LRRK1: variants seen among roughly 807,000 people sequenced by gnomAD.
LRRK1 encodes the protein leucine-rich repeat serine/threonine-protein kinase 1.
Under a neutral mutation model 209.1 loss-of-function variants are expected in LRRK1, and 113 were observed. The observed-to-expected ratio is 0.54, with a 90% CI of 0.46 to 0.63. LRRK1 has a LOEUF of 0.63. Ranked by LOEUF, LRRK1 falls within the 30% of genes least tolerant of loss-of-function variation. The probability of loss-of-function intolerance (pLI) is 0.00; values close to 1 mark genes in which losing one functional copy is unlikely to be tolerated. For missense variants in LRRK1, 2,284 were observed against 2,632.2 expected (o/e 0.87, Z 2.89); for synonymous variants, 1,144 against 1,099.7 (o/e 1.04, Z -0.80).
Position 101,053,345 on chromosome 15 carries a change from A to T in LRRK1, c.3979A>T (p.Ile1327Phe). The T allele has an allele frequency of 6.2e-7, 1 of 1,603,488 alleles. No homozygotes were observed. The highest frequency in any genetic ancestry group is 8.5e-7 in the Non-Finnish European group (1 of 1,179,904). The change falls in exon 26 of 34, where the codon ATC (isoleucine) becomes TTC (phenylalanine). Residue 1327 changes from isoleucine (I) to phenylalanine (F), a missense_variant. By Grantham distance (21) the Ile-to-Phe change is conservative (BLOSUM62 0). This residue lies in a region of LRRK1 where 780 missense variants were observed against 985.2 expected (regional missense o/e 0.79). Transcript: ENST00000388948. ...PCIVALIGIS[I>F]HPLCFALELA... Reference sequence around the variant, plus strand: ...CATCGTGGCGCTCATCGGCATCAGCATCCACCCGCTCTGCTTCGCCCTGGA... The same window carrying T: ...CATCGTGGCGCTCATCGGCATCAGCTTCCACCCGCTCTGCTTCGCCCTGGA...
chr15:101,028,945 G>T lies in LRRK1; in HGVS notation c.2687-11G>T. The T allele has an allele frequency of 6.2e-7, 1 of 1,612,656 alleles. No homozygotes were observed. The highest frequency in any genetic ancestry group is 8.5e-7 in the Non-Finnish European group (1 of 1,179,316). ...CTAACTGCTGCTTCCTCCTCTCCTTGCCTGGGGCAGCCATCAGCTTCCTCA... is the reference window on the plus strand; with the variant it reads ...CTAACTGCTGCTTCCTCCTCTCCTTTCCTGGGGCAGCCATCAGCTTCCTCA... On this transcript the variant is annotated splice_polypyrimidine_tract_variant and intron_variant, in intron 19 of 33. Transcript: ENST00000388948.
intron 6 of LRRK1, among the ~76,000 whole-genome samples, chr15:101,002,556 T>C (rs1370829060): frequency 6.6e-6 from 1 of 152,212 alleles, no homozygotes; most frequent in Non-Finnish European, 1.5e-5. Context: ...ACCAGCTGTC[T>C]TTGATTTTGT....
chr15:101,026,877 G>A (rs1194930609), intron 17 of LRRK1, among the ~76,000 whole-genome samples: 3 of 152,320 alleles, frequency 2.0e-5, no homozygotes, highest in South Asian at 2.1e-4. Flanking sequence ...AGGCTGTCAG[G>A]AATTCCTGCT....
rs774249485 is a variant in LRRK1, at chr15:101,053,206, T to C, written c.3857-17T>C. 1.2e-6 allele frequency: 2 copies of C among 1,602,652 alleles called. No homozygotes were observed. The highest frequency in any genetic ancestry group is 1.7e-6 in the Non-Finnish European group (2 of 1,178,742). On this transcript the variant is annotated splice_polypyrimidine_tract_variant and intron_variant, in intron 25 of 33. Coordinates refer to ENST00000388948, the MANE Select transcript of LRRK1 (RefSeq NM_024652.6). ...CACCCCATGTCCTACTGGCTGACACTGCGCTGTCCCTGGCAGACACCATGC... is the reference window on the plus strand; with the variant it reads ...CACCCCATGTCCTACTGGCTGACACCGCGCTGTCCCTGGCAGACACCATGC...
intron 3 of LRRK1, among the ~76,000 whole-genome samples, chr15:100,975,953 A>G (rs2031269610): frequency 6.6e-6 from 1 of 152,156 alleles, no homozygotes; most frequent in Non-Finnish European, 1.5e-5. Flanking sequence ...GTGAGAGTAA[A>G]AGATAAAAAA....
Position 100,953,508 on chromosome 15 carries a change from C to CTATATA in LRRK1, c.98-20275_98-20270dup, listed in dbSNP as rs60971994. On this transcript the variant is annotated intron_variant, in intron 2 of 33. Coordinates refer to ENST00000388948, the MANE Select transcript of LRRK1 (RefSeq NM_024652.6). ...CCATTGTGTGTGTGTATGTGTGTGT[C>CTATATA]TATATATATATATATATATATATAT... Among the ~76,000 whole-genome samples, 376 of 146,570 alleles carry CTATATA rather than the reference C, an allele frequency of 2.6e-3. 1 individual carries two copies. Among genetic ancestry groups the CTATATA allele is most frequent in the Middle Eastern group, 7.2e-3 (2 of 278 alleles).
chr15:100,991,236 C>G (rs1207167102), intron 6 of LRRK1, among the ~76,000 whole-genome samples: 1 of 152,182 alleles, frequency 6.6e-6, no homozygotes, highest in Admixed American at 6.5e-5. Context: ...CGATTATAGG[C>G]ACTGCATTTA....
intron 3 of LRRK1, among the ~76,000 whole-genome samples, chr15:100,979,091 A>G (rs932307771): frequency 3.3e-5 from 5 of 152,210 alleles, no homozygotes; most frequent in Non-Finnish European, 7.4e-5. Context: ...TTCAGTTTCA[A>G]TCATCAATCA....
rs1436285093 is a variant in LRRK1, at chr15:101,046,042, C to T, written c.3025C>T (p.Pro1009Ser). Residue 1009 changes from proline (P) to serine (S), a missense_variant, in exon 21 of 34, where the codon CCC becomes TCC. Pro to Ser is a moderately conservative substitution (Grantham distance 74). Transcript: ENST00000388948. ...PGLDTHGMRH[P>S]TANTIQRVFK... ...CCTGGACACCCACGGTATGCGGCAC[C>T]CCACAGCCAACACCATTCAGAGGGT... The T allele has an allele frequency of 6.2e-7, 1 of 1,614,082 alleles. No homozygotes were observed. Among genetic ancestry groups the T allele is most frequent in the Non-Finnish European group, 8.5e-7 (1 of 1,180,024 alleles).
At chr15:101,030,498 C>T (rs72766819) in intron 20 of LRRK1, among the ~76,000 whole-genome samples, 16,168 of 152,224 alleles carry the variant, frequency 0.11, 1,271 homozygotes, top group East Asian at 0.41. Context: ...AAGTCTGGCA[C>T]GGTGACTGAC....
intron 10 of LRRK1, among the ~76,000 whole-genome samples, chr15:101,013,879 C>T (rs1338416267): frequency 1.3e-5 from 2 of 152,212 alleles, no homozygotes; most frequent in East Asian, 3.9e-4. Context: ...CCTGGGCTGG[C>T]CCAGGAGGCC....
At position 101,029,222 on chromosome 15, in the gene LRRK1, G is replaced by A. The variant is rs2034174505; in HGVS notation, c.2953G>A (p.Ala985Thr). The A allele has an allele frequency of 7.5e-6, 12 of 1,610,696 alleles. No homozygotes were observed. Among genetic ancestry groups the A allele is most frequent in the East Asian group, 6.7e-5 (3 of 44,796 alleles). ...CAAGTTTGAGATCGCCCTGCCCGTCGCCAATGACAGGTGAGGACACAACTT... is the reference window on the plus strand; with the variant it reads ...CAAGTTTGAGATCGCCCTGCCCGTCACCAATGACAGGTGAGGACACAACTT... ...LAKFEIALPV[A>T]NDSYLLPHLL... Residue 985 changes from alanine (A) to threonine (T), a missense_variant, in exon 20 of 34, where the codon GCC (alanine) becomes ACC (threonine). Ala to Thr is a moderately conservative substitution (Grantham distance 58). Transcript: ENST00000388948.
At chr15:101,037,386 C>A (rs2141112785) in intron 20 of LRRK1, among the ~76,000 whole-genome samples, 1 of 152,284 alleles carries the variant, frequency 6.6e-6, no homozygotes, top group East Asian at 1.9e-4. Flanking sequence ...TGGACTGAAC[C>A]ACTGAGCTGG....
rs2037020071 is a variant in LRRK1, at chr15:101,077,323, C to T, written c.*8475C>T. 6.6e-6 allele frequency: 1 copy of T among 152,254 alleles called. No homozygotes were observed. The highest frequency in any genetic ancestry group is 6.5e-5 in the Admixed American group (1 of 15,284). 9.4% of individuals were successfully genotyped at this position (152,254 alleles called of 1,614,324 possible). A position where few individuals can be genotyped will look rare whatever the true frequency, so the allele number is the denominator to read the frequency against. On this transcript the variant is annotated 3_prime_UTR_variant, in exon 34 of 34. Transcript: ENST00000388948. ...TCGTACTCCTATTCACCATTCTCAA[C>T]TACTCATACGTGCCCTGCTCTTGTT...
intron 6 of LRRK1, 83 bp downstream of exon 6, chr15:100,989,481 T>G: frequency 3.5e-6 from 5 of 1,415,964 alleles, no homozygotes; most frequent in Non-Finnish European, 4.9e-6. Flanking sequence ...TAATTTATAA[T>G]AAACAGAAAT....
chr15:100,947,148 G>A (rs1485828754), intron 2 of LRRK1, among the ~76,000 whole-genome samples: 1 of 151,776 alleles, frequency 6.6e-6, no homozygotes, highest in African/African-American at 2.4e-5. Flanking sequence ...TAGTAGAGGC[G>A]GGGTTTCACC....
intron 9 of LRRK1, among the ~76,000 whole-genome samples, chr15:101,011,399 C>T (rs969517158): frequency 1.3e-5 from 2 of 148,568 alleles, no homozygotes; most frequent in Admixed American, 1.4e-4. Flanking sequence ...TTGCTTTTAC[C>T]GGGGAGGCAG....
At chr15:100,997,719 T>A (rs1168276246) in intron 6 of LRRK1, among the ~76,000 whole-genome samples, 1 of 152,228 alleles carries the variant, frequency 6.6e-6, no homozygotes, top group Non-Finnish European at 1.5e-5. Flanking sequence ...GTAATTGGCA[T>A]CATGTGGCAA....
In LRRK1 at chr15:101,022,470, C is replaced by T. The variant is rs764768964; in HGVS notation, c.1940C>T (p.Pro647Leu). The change falls in exon 15 of 34, where the codon CCG becomes CTG. Residue 647 changes from proline (P) to leucine (L), a missense_variant. Coordinates refer to ENST00000388948, the MANE Select transcript of LRRK1 (RefSeq NM_024652.6). This position sits in a 1 kb window ranked among gnomAD's most constrained non-coding sequence, Gnocchi z 4.0. Reference protein sequence around the residue: ...KLMKMIIVGPPRQGKSTLLEI... With the variant: ...KLMKMIIVGPLRQGKSTLLEI... The stretch of plus-strand genomic sequence containing the variant: ...ATGAAGATGATCATCGTGGGTCCCC[C>T]GCGCCAGGGCAAGTCCACCCTCCTG... 42 of 1,614,236 alleles carry T rather than the reference C, an allele frequency of 2.6e-5. No individual in the cohort carries two copies. The highest frequency in any genetic ancestry group is 3.3e-5 in the Admixed American group (2 of 60,032).
Sources: gnomAD v4.1 joint callset for allele counts (sites outside exome capture counted in the v4.1 genomes callset) on GRCh38, gnomAD v4.1.1 for gene constraint, gnomAD v4.1.1 regional missense constraint, Gnocchi (gnomAD v3.1) non-coding constraint, MANE v1.5 for transcripts, NCBI Gene and HGNC (gene_info 2026-07-23, HGNC 2026-07-21) for gene names.